The following STX18 variants were observed in gnomAD, a reference collection of about 807,000 sequenced individuals.
The protein encoded by STX18 is syntaxin-18.
A neutral mutation model predicts 50.1 loss-of-function variants in STX18; 40 were observed. That is an observed-to-expected ratio of 0.80 (90% CI 0.62 to 1.04). STX18 has a LOEUF of 1.04. STX18 is among the 50% of genes least tolerant of loss of function. The pLI is 0.00. For synonymous variants in STX18, 158 were observed against 151.8 expected, an observed-to-expected ratio of 1.04 and a Z score of -0.30; for missense variants, 410 against 415.8, an observed-to-expected ratio of 0.99 and a Z score of 0.12.
chr4:4,536,861 T>C (rs898627827), intron 1 of STX18, among the ~76,000 whole-genome samples: 1 of 152,352 alleles, frequency 6.6e-6, no homozygotes. Flanking sequence ...TTCCCAGCAA[T>C]TCAGGATCAT....
intron 5 of STX18, among the ~76,000 whole-genome samples, chr4:4,449,357 C>A (rs1004049870): frequency 1.4e-4 from 22 of 152,098 alleles, no homozygotes; most frequent in African/African-American, 3.1e-4. Flanking sequence ...GGCACCCCCC[C>A]ACCCCACTCT....
At chr4:4,461,293 T>C (rs1422802169) in intron 2 of STX18, among the ~76,000 whole-genome samples, 1 of 152,196 alleles carries the variant, frequency 6.6e-6, no homozygotes, top group Non-Finnish European at 1.5e-5. Context: ...GGAAGTTTTT[T>C]CTCCCAGATT....
intron 5 of STX18, among the ~76,000 whole-genome samples, chr4:4,449,357 C>T (rs1004049870): frequency 1.3e-5 from 2 of 152,098 alleles, no homozygotes; most frequent in African/African-American, 2.4e-5. Flanking sequence ...GGCACCCCCC[C>T]ACCCCACTCT....
At chr4:4,481,961 C>A (rs1728484127) in intron 1 of STX18, among the ~76,000 whole-genome samples, 1 of 152,146 alleles carries the variant, frequency 6.6e-6, no homozygotes, top group South Asian at 2.1e-4. Context: ...GTCACTTTCC[C>A]CCAATTCCTA....
chr4:4,513,674 A>G (rs752232556), intron 1 of STX18, among the ~76,000 whole-genome samples: 4 of 152,190 alleles, frequency 2.6e-5, no homozygotes, highest in Non-Finnish European at 5.9e-5. Flanking sequence ...ACACTGCTAC[A>G]TCTTAAACAG....
chr4:4,473,562 G>C (rs1728030772), intron 1 of STX18, among the ~76,000 whole-genome samples: 1 of 152,112 alleles, frequency 6.6e-6, no homozygotes, highest in Non-Finnish European at 1.5e-5. Context: ...CAAAGTGCTG[G>C]CATTATAGGC....
At chr4:4,428,744 C>T (rs552679475) in intron 7 of STX18, among the ~76,000 whole-genome samples, 1 of 152,282 alleles carries the variant, frequency 6.6e-6, no homozygotes, top group South Asian at 2.1e-4. Flanking sequence ...GTATCTGTCT[C>T]TTTGTGGCCA....
rs562100100 is a variant in STX18 at position 4,514,876 on chromosome 4, A to C, written c.168+26921T>G. On this transcript the variant is annotated intron_variant, in intron 1 of 10. Transcript: ENST00000306200. Reference sequence around the variant, plus strand: ...TCTCAAGTTCCTAGTTAGGAAGACTAATCTTTTGCCTTCTCTATGAAGATC... The same window carrying C: ...TCTCAAGTTCCTAGTTAGGAAGACTCATCTTTTGCCTTCTCTATGAAGATC... 2.3e-3 allele frequency among the ~76,000 whole-genome samples: 343 copies of C among 152,270 alleles called. 1 individual carries two copies. Among genetic ancestry groups the C allele is most frequent in the Non-Finnish European group, 3.8e-3 (260 of 68,012 alleles).
intron 1 of STX18, among the ~76,000 whole-genome samples, chr4:4,532,488 A>C (rs1731147569): frequency 6.6e-6 from 1 of 151,942 alleles, no homozygotes; most frequent in Non-Finnish European, 1.5e-5. Flanking sequence ...AAAAAACCTC[A>C]CTCTTTCAGA....
chr4:4,540,567 G>T (rs950409470), intron 1 of STX18, among the ~76,000 whole-genome samples: 4 of 152,094 alleles, frequency 2.6e-5, no homozygotes, highest in African/African-American at 9.7e-5. Context: ...TCCTCAGGTA[G>T]AACTGACCAC....
At chr4:4,483,351 C>T (rs1728548526) in intron 1 of STX18, among the ~76,000 whole-genome samples, 1 of 152,052 alleles carries the variant, frequency 6.6e-6, no homozygotes, top group African/African-American at 2.4e-5. Flanking sequence ...CTTAAGATTC[C>T]CATTAAACTC....
At chr4:4,537,011 G>A (rs922907477) in intron 1 of STX18, among the ~76,000 whole-genome samples, 4 of 152,160 alleles carry the variant, frequency 2.6e-5, no homozygotes, top group African/African-American at 7.2e-5. Flanking sequence ...GCAGACCTGC[G>A]GCTAGAACAT....
At chr4:4,466,567 C>G (rs1425728057) in intron 2 of STX18, among the ~76,000 whole-genome samples, 1 of 152,094 alleles carries the variant, frequency 6.6e-6, no homozygotes, top group Non-Finnish European at 1.5e-5. Flanking sequence ...ACAAAGAGAT[C>G]AGGCAAGTGA....
At chr4:4,481,068 A>G (rs1728433895) in intron 1 of STX18, among the ~76,000 whole-genome samples, 1 of 152,172 alleles carries the variant, frequency 6.6e-6, no homozygotes, top group African/African-American at 2.4e-5. Context: ...TTTATGTGTC[A>G]CCCACAGAAC....
At chr4:4,426,628 G>A (rs1345635374) in intron 7 of STX18, 1 of 152,324 alleles carries the variant, frequency 6.6e-6, no homozygotes, top group Non-Finnish European at 1.5e-5. Flanking sequence ...CTCTATGCAG[G>A]CGCTCTTCAC....
chr4:4,423,443 GA>G, intron 9 of STX18, 74 bp downstream of exon 9: 4 of 1,465,554 alleles, frequency 2.7e-6, no homozygotes, highest in Non-Finnish European at 3.8e-6. Flanking sequence ...CAGCCTTTGG[GA>G]AAAATGTCTC....
intron 3 of STX18, 70 bp from the exon 4 acceptor site, chr4:4,457,570 T>G (rs1237327885): frequency 1.1e-5 from 13 of 1,145,804 alleles, no homozygotes; most frequent in Non-Finnish European, 1.7e-5. Context: ...ATCAGCTTCC[T>G]CACAACACTT....
intron 7 of STX18, among the ~76,000 whole-genome samples, chr4:4,433,106 C>T (rs1419508461): frequency 8.5e-5 from 13 of 152,164 alleles, no homozygotes; most frequent in Admixed American, 1.3e-4. Flanking sequence ...GGTTCTGTGA[C>T]GTTGGGTAGG....
intron 2 of STX18, among the ~76,000 whole-genome samples, chr4:4,462,203 G>A (rs1727415002): frequency 6.6e-6 from 1 of 152,164 alleles, no homozygotes; most frequent in Non-Finnish European, 1.5e-5. Flanking sequence ...GGAAACAGAG[G>A]TGGGTTTTGT....
Sources: allele counts gnomAD v4.1 joint callset (sites outside exome capture counted in the v4.1 genomes callset), GRCh38; gene constraint gnomAD v4.1.1; transcripts MANE v1.5; gene names NCBI Gene and HGNC (gene_info 2026-07-23, HGNC 2026-07-21).